Variants in KLF5 observed in about 807,000 individuals in gnomAD.
The protein encoded by KLF5 is Krueppel-like factor 5.
Under a neutral mutation model 36.9 loss-of-function variants are expected in KLF5, and 9 were observed. That is an observed-to-expected ratio of 0.24 (90% CI 0.15 to 0.43). KLF5 has a LOEUF of 0.43. Among genes scored for constraint, KLF5 ranks in the 20% least tolerant of loss-of-function variants. KLF5 has a pLI of 1.00. For missense variants in KLF5, 524 were observed against 599.5 expected, an observed-to-expected ratio of 0.87 and a Z score of 1.31; for synonymous variants, 246 against 241.7, an observed-to-expected ratio of 1.02 and a Z score of -0.17.
At chr13:73,058,682 C>T (rs2044599488), upstream of KLF5, 1 of 148,124 alleles carries the variant, frequency 6.8e-6, no homozygotes, top group Non-Finnish European at 1.5e-5. Context: ...AGATCTCCCT[C>T]CGCGTCTCCA....
chr13:73,070,974 CT>C (rs1473106931), intron 3 of KLF5, among the ~76,000 whole-genome samples: 1 of 152,178 alleles, frequency 6.6e-6, no homozygotes. Context: ...CCTTTTATGC[CT>C]TCCCTCCTTT....
chr13:73,060,157 TAAAAAA>T (rs535575783), intron 1 of KLF5, among the ~76,000 whole-genome samples: 3 of 116,680 alleles, frequency 2.6e-5, no homozygotes, highest in Non-Finnish European at 5.1e-5. Flanking sequence ...TATTTTTCCT[TAAAAAA>T]AAAAAAAAAA....
At chr13:73,062,889 T>A (rs1166785302) in intron 2 of KLF5, among the ~76,000 whole-genome samples, 155 bp downstream of exon 2, 1 of 148,294 alleles carries the variant, frequency 6.7e-6, no homozygotes, top group East Asian at 1.9e-4. Context: ...AAAAAAAAAA[T>A]TACCTTTTTT....
At chr13:73,071,541 T>C (rs1456487386) in intron 3 of KLF5, among the ~76,000 whole-genome samples, 2 of 151,158 alleles carry the variant, frequency 1.3e-5, no homozygotes, top group African/African-American at 4.8e-5. Flanking sequence ...AAAATCATCC[T>C]CCTACTTTAT....
At position 73,062,799 on chromosome 13, in the gene KLF5, GCGCGCGTGTGCGTGTGTGCA is replaced by G. The variant is rs542466877; in HGVS notation, c.1135+74_1135+93del. ...TGTGTGTGTGTGTGTGTCTGTGTGCGCGCGCGTGTGCGTGTGTGCACGCGCGTGCCCTTTTCAACCTCATG... is the reference window on the plus strand; with the variant it reads ...TGTGTGTGTGTGTGTGTCTGTGTGCGCGCGCGTGCCCTTTTCAACCTCATG... On this transcript the variant is annotated intron_variant, in intron 2 of 3. Transcript: ENST00000377687. 1.4e-3 allele frequency: 1,912 copies of G among 1,409,032 alleles called. 19 individuals carry two copies. In the African/African-American group the frequency reaches 0.024, roughly 18 times the overall value. The allele number at this position is 1,409,032 out of a possible 1,614,324, so 87.3% of individuals were successfully genotyped here. A position where few individuals can be genotyped will look rare whatever the true frequency, so the allele number is the denominator to read the frequency against.
At chr13:73,065,119 GCTATGGAAACCAAAGTATTCAA>G (rs2044670118) in intron 3 of KLF5, among the ~76,000 whole-genome samples, 1 of 152,184 alleles carries the variant, frequency 6.6e-6, no homozygotes, top group African/African-American at 2.4e-5. Flanking sequence ...TTCCATCATT[GCTATGGAAACCAAAGTATTCAA>G]CAGTTCCTTT....
In KLF5 at chr13:73,076,492, G is replaced by A. The variant is rs1440645874; in HGVS notation, c.*606G>A. The A allele has an allele frequency of 1.3e-5, 2 of 152,320 alleles. No homozygotes were observed. Among genetic ancestry groups the A allele is most frequent in the Admixed American group, 1.3e-4 (2 of 15,244 alleles). The allele number at this position is 152,320 out of a possible 1,614,324, so 9.4% of individuals were successfully genotyped here. A position where few individuals can be genotyped will look rare whatever the true frequency, so the allele number is the denominator to read the frequency against. ...TTACAAGTTTTTTAGGATTCTTTTG[G>A]GGAAGAGTCATAATTCTTTTGAAAA... On this transcript the variant is annotated 3_prime_UTR_variant, in exon 4 of 4. Transcript: ENST00000377687.
At chr13:73,071,762 A>AG (rs1342274214) in intron 3 of KLF5, among the ~76,000 whole-genome samples, 3 of 152,220 alleles carry the variant, frequency 2.0e-5, no homozygotes, top group Non-Finnish European at 4.4e-5. Context: ...TTGAGCTTCA[A>AG]GGACTCTTAA....
rs1349122870 is a variant in KLF5, at chr13:73,076,885, G to C, written c.*999G>C. The stretch of plus-strand genomic sequence containing the variant: ...TTTTCATATATCGAGATGTTCGCTC[G>C]TGCAGTACTGTTGGTTAAATGACAA... On this transcript the variant is annotated 3_prime_UTR_variant, in exon 4 of 4. Transcript: ENST00000377687. 1 of 152,172 alleles carries C rather than the reference G, an allele frequency of 6.6e-6. No homozygotes were observed. Among genetic ancestry groups the C allele is most frequent in the Non-Finnish European group, 1.5e-5 (1 of 68,028 alleles). 9.4% of individuals were successfully genotyped at this position (152,172 alleles called of 1,614,324 possible).
chr13:73,058,705 C>G (rs1402103302), upstream of KLF5: 1 of 152,584 alleles, frequency 6.6e-6, no homozygotes, highest in Non-Finnish European at 1.5e-5. Context: ...CTAATTCCCC[C>G]TCTTCCCAGA....
intron 3 of KLF5, chr13:73,075,184 T>C (rs965707893): frequency 6.6e-6 from 1 of 152,248 alleles, no homozygotes; most frequent in Admixed American, 6.5e-5. Flanking sequence ...TTTAGAAACA[T>C]CTAGGACCAG....
rs1213650189 is a variant in KLF5 at position 73,059,040 on chromosome 13, C to G, written c.-288C>G. On this transcript the variant is annotated 5_prime_UTR_variant, in exon 1 of 4. Coordinates refer to ENST00000377687, the MANE Select transcript of KLF5 (RefSeq NM_001730.5). ...CAGGTACGTGCGCTCGCGGTTCTCTCGCGGAGGTCGGCGGTGGCGGGAGCG... is the reference window on the plus strand; with the variant it reads ...CAGGTACGTGCGCTCGCGGTTCTCTGGCGGAGGTCGGCGGTGGCGGGAGCG... 3 of 294,568 alleles carry G rather than the reference C, an allele frequency of 1.0e-5. No homozygotes were observed. Among genetic ancestry groups the G allele is most frequent in the Non-Finnish European group, 1.9e-5 (3 of 159,124 alleles). The allele number at this position is 294,568 out of a possible 1,614,324, so 18.2% of individuals were successfully genotyped here. A position where few individuals can be genotyped will look rare whatever the true frequency, so the allele number is the denominator to read the frequency against.
At chr13:73,064,023 G>GC (rs1426165904) in intron 3 of KLF5, 140 bp downstream of exon 3, 1 of 547,730 alleles carries the variant, frequency 1.8e-6, no homozygotes, top group East Asian at 3.0e-5. Context: ...TACCTTTTCA[G>GC]CACAGGCTTG....
At position 73,071,015 on chromosome 13, in the gene KLF5, A is replaced by C. The variant is rs1398273549; in HGVS notation, c.1196-4693A>C. Among the ~76,000 whole-genome samples the C allele has an allele frequency of 2.6e-5, 4 of 152,230 alleles. No homozygotes were observed. The East Asian group carries it at 7.7e-4, about 29-fold the overall frequency. ...TAATCAGAATAACTGAGTTGTTTTC[A>C]AGATGCATTAGGGAAAGTGTGGCAT... On this transcript the variant is annotated intron_variant, in intron 3 of 3. Coordinates refer to ENST00000377687, the MANE Select transcript of KLF5 (RefSeq NM_001730.5).
At chr13:73,056,888 T>C (rs955340292), upstream of KLF5, among the ~76,000 whole-genome samples, 1 of 151,750 alleles carries the variant, frequency 6.6e-6, no homozygotes, top group African/African-American at 2.4e-5. Flanking sequence ...AAAGTGGAAA[T>C]ATGAAAAATT....
chr13:73,073,731 T>C (rs945805916), intron 3 of KLF5, among the ~76,000 whole-genome samples: 7 of 152,232 alleles, frequency 4.6e-5, no homozygotes, highest in Non-Finnish European at 2.9e-5. Flanking sequence ...TGGTTTATTT[T>C]TCACAGGGAA....
intron 3 of KLF5, among the ~76,000 whole-genome samples, chr13:73,067,855 T>G (rs528672741): frequency 6.6e-6 from 1 of 151,966 alleles, no homozygotes; most frequent in Non-Finnish European, 1.5e-5. Context: ...TTTTTTTTTT[T>G]TTTGAGATGA....
chr13:73,060,134 G>A (rs1400312593), intron 1 of KLF5, among the ~76,000 whole-genome samples: 1 of 138,650 alleles, frequency 7.2e-6, no homozygotes, highest in African/African-American at 2.7e-5. Flanking sequence ...AGCTAAGGTT[G>A]TGTCGGAGCG....
chr13:73,058,410 A>C (rs2044597370), upstream of KLF5, among the ~76,000 whole-genome samples: 3 of 152,246 alleles, frequency 2.0e-5, no homozygotes, highest in South Asian at 6.2e-4. Flanking sequence ...TTGCCTTGTT[A>C]AACGGATACA....
Sources: gnomAD v4.1 joint callset for allele counts (sites outside exome capture counted in the v4.1 genomes callset) on GRCh38, gnomAD v4.1.1 for gene constraint, MANE v1.5 for transcripts, NCBI Gene and HGNC (gene_info 2026-07-23, HGNC 2026-07-21) for gene names.